The following NALF1 variants were observed in gnomAD, a reference collection of about 807,000 sequenced individuals.
The protein encoded by NALF1 is family with sequence similarity 155 member A.
A neutral mutation model predicts 48.4 loss-of-function variants in NALF1; 3 were observed. That is an observed-to-expected ratio of 0.06 (90% confidence interval 0.03 to 0.16). The LOEUF is 0.16. Ranked by LOEUF, NALF1 falls within the 10% of genes least tolerant of loss-of-function variation. The probability of loss-of-function intolerance (pLI) is 1.00; values close to 1 mark genes in which losing one functional copy is unlikely to be tolerated. For missense variants in NALF1, 526 were observed against 571.5 expected (o/e 0.92, Z 0.81); for synonymous variants, 262 against 245.7 (o/e 1.07, Z -0.62).
At chr13:107,538,210 T>C (rs1174085362) in intron 1 of NALF1, among the ~76,000 whole-genome samples, 1 of 152,160 alleles carries the variant, frequency 6.6e-6, no homozygotes, top group Non-Finnish European at 1.5e-5. Flanking sequence ...TATATTCCAA[T>C]CAAGCCATGT....
chr13:107,514,064 G>T (rs1446407686), intron 1 of NALF1, among the ~76,000 whole-genome samples: 1 of 152,176 alleles, frequency 6.6e-6, no homozygotes, highest in Non-Finnish European at 1.5e-5. Flanking sequence ...TAGAGACTCA[G>T]AGTCCTTTTC....
chr13:107,468,084 T>C (rs957479624), intron 1 of NALF1, among the ~76,000 whole-genome samples: 1 of 150,970 alleles, frequency 6.6e-6, no homozygotes. Context: ...AATCAGCAAC[T>C]GTCTGGCAAA....
chr13:107,676,522 G>C (rs1566439763), intron 1 of NALF1, among the ~76,000 whole-genome samples: 1 of 151,780 alleles, frequency 6.6e-6, no homozygotes, highest in Non-Finnish European at 1.5e-5. Context: ...CCCCATTACA[G>C]ACATAGCCCT....
chr13:107,179,699 A>G (rs1879022771), intron 2 of NALF1, among the ~76,000 whole-genome samples: 1 of 150,714 alleles, frequency 6.6e-6, no homozygotes, highest in African/African-American at 2.4e-5. Context: ...ACAGCAGAAT[A>G]TTTTCTGAGT....
chr13:107,500,433 T>C (rs1367515711), intron 1 of NALF1, among the ~76,000 whole-genome samples: 1 of 151,780 alleles, frequency 6.6e-6, no homozygotes, highest in Non-Finnish European at 1.5e-5. Context: ...AGAATGGCAA[T>C]CATTAAAAAG....
chr13:107,422,535 C>T (rs541760362), intron 1 of NALF1, among the ~76,000 whole-genome samples: 6 of 152,120 alleles, frequency 3.9e-5, no homozygotes, highest in Admixed American at 2.0e-4. Context: ...CAAGTAGGGT[C>T]GGTTATTTTT....
intron 1 of NALF1, among the ~76,000 whole-genome samples, chr13:107,345,328 G>A (rs946074232): frequency 1.3e-5 from 2 of 152,084 alleles, no homozygotes; most frequent in African/African-American, 4.8e-5. Flanking sequence ...ATGGAATCTG[G>A]AAGGACCCTG....
intron 1 of NALF1, among the ~76,000 whole-genome samples, chr13:107,743,745 A>G (rs1438770150): frequency 6.6e-6 from 1 of 152,194 alleles, no homozygotes; most frequent in Non-Finnish European, 1.5e-5. Context: ...CTGTTTGCCT[A>G]TGCGGTATGC....
At chr13:107,412,913 T>G (rs1884017127) in intron 1 of NALF1, among the ~76,000 whole-genome samples, 1 of 152,200 alleles carries the variant, frequency 6.6e-6, no homozygotes, top group South Asian at 2.1e-4. Flanking sequence ...AATATGATTT[T>G]GTGGAGGTAG....
chr13:107,357,172 C>T (rs1380437329), intron 1 of NALF1, among the ~76,000 whole-genome samples: 2 of 152,162 alleles, frequency 1.3e-5, no homozygotes, highest in Non-Finnish European at 2.9e-5. Flanking sequence ...GTTTAATTGA[C>T]TCCCAGTTCC....
At chr13:107,768,562 C>A (rs1347513988) in intron 1 of NALF1, among the ~76,000 whole-genome samples, 2 of 152,046 alleles carry the variant, frequency 1.3e-5, no homozygotes, top group African/African-American at 4.8e-5. Flanking sequence ...ACAGGATGAA[C>A]AATTGGAATC....
chr13:107,365,295 A>G (rs1883134630), intron 1 of NALF1, among the ~76,000 whole-genome samples: 1 of 152,050 alleles, frequency 6.6e-6, no homozygotes, highest in Admixed American at 6.6e-5. Flanking sequence ...ATCAGGTATT[A>G]GGGAAAACAT....
chr13:107,513,497 C>CT lies in NALF1; in HGVS notation c.916-302743dup, dbSNP rs370771343. Among the ~76,000 whole-genome samples the CT allele has an allele frequency of 2.2e-3, 315 of 145,888 alleles. 1 individual carries two copies. The highest frequency in any genetic ancestry group is 3.6e-3 in the Middle Eastern group (1 of 274). On this transcript the variant is annotated intron_variant, in intron 1 of 2. Coordinates refer to ENST00000375915, the MANE Select transcript of NALF1 (RefSeq NM_001080396.3). ...ATTGTTTAAGACTGAAGCATCCCATCTTTTTTTTTTTTCTGTTATCTGAGC... is the reference window on the plus strand; with the variant it reads ...ATTGTTTAAGACTGAAGCATCCCATCTTTTTTTTTTTTTCTGTTATCTGAGC...
chr13:107,248,572 A>G (rs975040198), intron 1 of NALF1, among the ~76,000 whole-genome samples: 3 of 148,446 alleles, frequency 2.0e-5, no homozygotes, highest in Admixed American at 6.9e-5. Context: ...ATCATCTAGT[A>G]TGGTAGCCAG....
At chr13:107,745,473 CA>C (rs1251505211) in intron 1 of NALF1, among the ~76,000 whole-genome samples, 4 of 152,144 alleles carry the variant, frequency 2.6e-5, no homozygotes, top group African/African-American at 9.7e-5. Flanking sequence ...ATTCCTTAGC[CA>C]ACACAAATTT....
intron 1 of NALF1, among the ~76,000 whole-genome samples, chr13:107,342,431 A>C (rs1264387158): frequency 6.6e-6 from 1 of 152,206 alleles, no homozygotes; most frequent in African/African-American, 2.4e-5. Flanking sequence ...GATATCAATA[A>C]GATGGTGGAA....
chr13:107,488,596 A>G (rs1885367162), intron 1 of NALF1, among the ~76,000 whole-genome samples: 1 of 152,156 alleles, frequency 6.6e-6, no homozygotes, highest in African/African-American at 2.4e-5. Context: ...AAAACTCTTG[A>G]TAAACTACAT....
At chr13:107,815,628 C>T (rs1879141198) in intron 1 of NALF1, among the ~76,000 whole-genome samples, 1 of 152,144 alleles carries the variant, frequency 6.6e-6, no homozygotes, top group South Asian at 2.1e-4. Flanking sequence ...AGCAATTCCA[C>T]TCCTAGGTAT....
chr13:107,347,169 A>G (rs553012215), intron 1 of NALF1, among the ~76,000 whole-genome samples: 1 of 152,324 alleles, frequency 6.6e-6, no homozygotes, highest in East Asian at 1.9e-4. Context: ...GGGACTGGAC[A>G]CATTTCTTTA....
Sources: allele counts gnomAD v4.1 joint callset (sites outside exome capture counted in the v4.1 genomes callset), GRCh38; gene constraint gnomAD v4.1.1; transcripts MANE v1.5; gene names NCBI Gene and HGNC (gene_info 2026-07-23, HGNC 2026-07-21).